Variants in ZMPSTE24 observed in about 807,000 individuals in gnomAD.
ZMPSTE24 encodes CAAX prenyl protease 1 homolog.
ZMPSTE24 carries 48 observed loss-of-function variants against 56.7 expected under a neutral mutation model. The observed-to-expected ratio is 0.85, with a 90% CI of 0.67 to 1.08. The LOEUF is 1.08. Ranked by LOEUF, ZMPSTE24 falls within the 50% of genes least tolerant of loss-of-function variation. ZMPSTE24 has a pLI of 0.00. For missense variants in ZMPSTE24, 503 were observed against 548.7 expected (o/e 0.92, Z 0.83); for synonymous variants, 172 against 195.2 (o/e 0.88, Z 0.99).
intron 6 of ZMPSTE24, among the ~76,000 whole-genome samples, chr1:40,277,237 C>T (rs1643679507): frequency 6.6e-6 from 1 of 152,050 alleles, no homozygotes; most frequent in South Asian, 2.1e-4. Flanking sequence ...AGGCGCCCGC[C>T]AGCACACCCG....
rs1030892619 is a variant in ZMPSTE24, at chr1:40,292,797, C to A, written c.*128C>A. 4 of 686,622 alleles carry A rather than the reference C, an allele frequency of 5.8e-6. No individual in the cohort carries two copies. In the Admixed American group the frequency reaches 1.2e-4, roughly 20 times the overall value. 42.5% of individuals were successfully genotyped at this position (686,622 alleles called of 1,614,324 possible). On this transcript the variant is annotated 3_prime_UTR_variant, in exon 10 of 10. Coordinates refer to ENST00000372759, the MANE Select transcript of ZMPSTE24 (RefSeq NM_005857.5). ...GTACAGAAAAGCCCAGATTTAAATA[C>A]ATTTAATATGTCATTTTAAAAATGA...
chr1:40,265,680 A>T (rs746152895), intron 2 of ZMPSTE24, among the ~76,000 whole-genome samples: 7 of 152,204 alleles, frequency 4.6e-5, no homozygotes, highest in Non-Finnish European at 1.0e-4. Context: ...TGAGTGACAG[A>T]GTGAGACTCT....
At chr1:40,259,217 C>G (rs144686879) in intron 1 of ZMPSTE24, 2 of 151,934 alleles carry the variant, frequency 1.3e-5, no homozygotes, top group African/African-American at 4.8e-5. Context: ...ATAAAATCAA[C>G]ATTATTTTAG....
intron 2 of ZMPSTE24, among the ~76,000 whole-genome samples, chr1:40,262,346 G>C (rs2124576633): frequency 6.6e-6 from 1 of 152,270 alleles, no homozygotes; most frequent in East Asian, 1.9e-4. Flanking sequence ...TAAATGATTT[G>C]GAAAACAAAG....
intron 7 of ZMPSTE24, 23 bp from the exon 8 acceptor site, chr1:40,285,902 A>G: frequency 6.3e-7 from 1 of 1,589,380 alleles, no homozygotes; most frequent in East Asian, 2.3e-5. Context: ...TCAATAATTT[A>G]TTTTTGATTT....
chr1:40,261,007 G>A (rs750126197), intron 2 of ZMPSTE24, 22 bp downstream of exon 2: 1 of 1,613,892 alleles, frequency 6.2e-7, no homozygotes, highest in Non-Finnish European at 8.5e-7. Context: ...ACTTCTTGGA[G>A]AGACAGTCTG....
intron 6 of ZMPSTE24, among the ~76,000 whole-genome samples, chr1:40,273,676 T>A (rs1432404398): frequency 6.8e-6 from 1 of 146,552 alleles, no homozygotes; most frequent in African/African-American, 2.5e-5. Context: ...TCATACTTAC[T>A]TCTTTAGCCT....
At chr1:40,269,073 C>CA (rs60201234) in intron 4 of ZMPSTE24, among the ~76,000 whole-genome samples, 1,893 of 44,586 alleles carry the variant, frequency 0.042, 42 homozygotes, top group African/African-American at 0.053. Flanking sequence ...GACTCCGTCT[C>CA]AAAAAAAAAA....
chr1:40,278,615 C>T (rs1369969765), intron 6 of ZMPSTE24, among the ~76,000 whole-genome samples: 3 of 148,184 alleles, frequency 2.0e-5, no homozygotes, highest in Non-Finnish European at 4.5e-5. Flanking sequence ...ATCATCTAAC[C>T]CAATGAGGTA....
intron 2 of ZMPSTE24, among the ~76,000 whole-genome samples, chr1:40,265,163 T>A (rs1463124317): frequency 6.6e-6 from 1 of 152,216 alleles, no homozygotes. Flanking sequence ...TGATGCTTAT[T>A]TAAATACTGG....
At chr1:40,280,856 A>G (rs1336599077) in intron 6 of ZMPSTE24, among the ~76,000 whole-genome samples, 1 of 152,270 alleles carries the variant, frequency 6.6e-6, no homozygotes, top group Non-Finnish European at 1.5e-5. Flanking sequence ...AACCATATTT[A>G]TTTAAGAATG....
intron 8 of ZMPSTE24, among the ~76,000 whole-genome samples, chr1:40,288,692 T>C (rs1643809981): frequency 1.3e-5 from 2 of 152,208 alleles, no homozygotes; most frequent in Non-Finnish European, 2.9e-5. Context: ...ACCATGGGAC[T>C]CTTTGGGTGA....
chr1:40,287,398 G>A (rs1223275317), intron 8 of ZMPSTE24, among the ~76,000 whole-genome samples: 3 of 152,030 alleles, frequency 2.0e-5, no homozygotes, highest in Non-Finnish European at 4.4e-5. Context: ...AAAAGTTATT[G>A]CCGGCGTGGT....
chr1:40,273,533 AAAAAATATATATAT>A (rs1366810149), intron 6 of ZMPSTE24, among the ~76,000 whole-genome samples: 11 of 57,040 alleles, frequency 1.9e-4, no homozygotes, highest in Admixed American at 9.8e-4. Context: ...AAAAAAAAAA[AAAAAATATATATAT>A]ATATATATAT....
intron 8 of ZMPSTE24, among the ~76,000 whole-genome samples, chr1:40,289,004 A>T (rs946911567): frequency 6.6e-6 from 1 of 151,778 alleles, no homozygotes; most frequent in Non-Finnish European, 1.5e-5. Context: ...CTGTAATACC[A>T]CAGCAGTCCA....
chr1:40,269,025 GAGATCTCGCCACTGCACTCCAGC>G (rs1276043623), intron 4 of ZMPSTE24, among the ~76,000 whole-genome samples: 2 of 139,328 alleles, frequency 1.4e-5, no homozygotes, highest in South Asian at 4.8e-4. Context: ...GCAGTGAGCT[GAGATCTCGCCACTGCACTCCAGC>G]CTGGGTGACA....
rs950417503 is a variant in ZMPSTE24, at chr1:40,267,601, C to T, written c.271-185C>T. Among the ~76,000 whole-genome samples the T allele has an allele frequency of 3.3e-5, 5 of 152,050 alleles. 1 individual carries two copies. Among genetic ancestry groups the T allele is most frequent in the African/African-American group, 1.2e-4 (5 of 41,488 alleles). ...CCCAGGCTGGTCTTGAATTCCTGGCCTCAAGCGATGCTTCTGTCTCAGTCT... is the reference window on the plus strand; with the variant it reads ...CCCAGGCTGGTCTTGAATTCCTGGCTTCAAGCGATGCTTCTGTCTCAGTCT... On this transcript the variant is annotated intron_variant, in intron 2 of 9. Coordinates refer to ENST00000372759, the MANE Select transcript of ZMPSTE24 (RefSeq NM_005857.5).
rs74259873 is a variant in ZMPSTE24 at position 40,285,728 on chromosome 1, TTCTA to T, written c.955-189_955-186del. ...CTGGGAATGTCCATCTTGTTCGTCA[TTCTA>T]TCTATCTTCAGTGCTTAACCCACTG... On this transcript the variant is annotated intron_variant, in intron 7 of 9. Transcript: ENST00000372759. Among the ~76,000 whole-genome samples the T allele has an allele frequency of 0.049, 7,431 of 152,206 alleles. 512 individuals are homozygous for T. The highest frequency in any genetic ancestry group is 0.16 in the African/African-American group (6,587 of 41,482).
chr1:40,264,368 A>C (rs1408404074), intron 2 of ZMPSTE24, among the ~76,000 whole-genome samples: 1 of 152,042 alleles, frequency 6.6e-6, no homozygotes, highest in African/African-American at 2.4e-5. Flanking sequence ...AAGTGTGTGG[A>C]TGTTAAGCCA....
Sources: gnomAD v4.1 joint callset for allele counts (sites outside exome capture counted in the v4.1 genomes callset) on GRCh38, gnomAD v4.1.1 for gene constraint, MANE v1.5 for transcripts, NCBI Gene and HGNC (gene_info 2026-07-23, HGNC 2026-07-21) for gene names.